TRIOBP: variants seen among roughly 807,000 people sequenced by gnomAD.
TRIOBP encodes TRIO and F-actin-binding protein.
A neutral mutation model predicts 238.8 loss-of-function variants in TRIOBP; 169 were observed. That is an observed-to-expected ratio of 0.71 (90% CI 0.62 to 0.80). The LOEUF (loss-of-function observed/expected upper bound fraction) is 0.80, where lower values mean the gene tolerates loss of function less well. Ranked by LOEUF, TRIOBP falls within the 30% of genes least tolerant of loss-of-function variation. The pLI, the probability that TRIOBP is intolerant of heterozygous loss-of-function variation, is 0.00. For synonymous variants in TRIOBP, 1,150 were observed against 1,274.4 expected (o/e 0.90, Z 2.08); for missense variants, 2,838 against 3,122.6 (o/e 0.91, Z 2.17).
intron 2 of TRIOBP, 148 bp from the exon 3 acceptor site, chr22:37,701,158 A>G: frequency 3.7e-6 from 2 of 546,246 alleles, no homozygotes; most frequent in Non-Finnish European, 6.7e-6. Flanking sequence ...ATAAATGAAC[A>G]GGAATGGATG....
At chr22:37,714,732 AATG>A in intron 5 of TRIOBP, among the ~76,000 whole-genome samples, 1 of 151,256 alleles carries the variant, frequency 6.6e-6, no homozygotes, top group African/African-American at 2.4e-5. Context: ...ACTGGAATGC[AATG>A]ATGTGAACAT....
chr22:37,734,564 C>CA lies in TRIOBP; in HGVS notation c.4229dup (p.Arg1411GlufsTer31). ...GACCCCTGAGAGGGAGCTGCGGACA[C>CA]AGAGACCTCTGGAGAGTGGCCAAGC... On this transcript the variant is annotated frameshift_variant, in exon 9 of 24. Coordinates refer to ENST00000644935, the MANE Select transcript of TRIOBP (RefSeq NM_001039141.3). LOFTEE classifies it high-confidence loss of function. The CA allele has an allele frequency of 6.3e-7, 1 of 1,588,206 alleles. No homozygotes were observed. Among genetic ancestry groups the CA allele is most frequent in the South Asian group, 1.1e-5 (1 of 88,208 alleles).
At chr22:37,751,204 G>C (rs1258053906) in intron 11 of TRIOBP, 1 of 381,500 alleles carries the variant, frequency 2.6e-6, no homozygotes, top group Non-Finnish European at 5.4e-6. Context: ...CCAGAAGGTA[G>C]GGCTTGCCAG....
At position 37,759,153 on chromosome 22, in the gene TRIOBP, G is replaced by T; in HGVS notation, c.6214-1G>T. On this transcript the variant is annotated splice_acceptor_variant, in intron 16 of 23. Coordinates refer to ENST00000644935, the MANE Select transcript of TRIOBP (RefSeq NM_001039141.3). LOFTEE classifies it high-confidence loss of function. ...CCACTGACCACCCTTCTCCCTCGTAGGTTCAGGCTCTTCGGGCCCAGCTGG... is the reference window on the plus strand; with the variant it reads ...CCACTGACCACCCTTCTCCCTCGTATGTTCAGGCTCTTCGGGCCCAGCTGG... The T allele has an allele frequency of 6.2e-7, 1 of 1,610,718 alleles. No homozygotes were observed.
At chr22:37,756,069 T>C (rs1401514787) in intron 15 of TRIOBP, among the ~76,000 whole-genome samples, 1 of 152,206 alleles carries the variant, frequency 6.6e-6, no homozygotes, top group East Asian at 1.9e-4. Flanking sequence ...GCAGGAGGGC[T>C]GAGTTACCGA....
At position 37,755,808 on chromosome 22, in the gene TRIOBP, TATC is replaced by T. The variant is rs1249957132; in HGVS notation, c.5687+153_5687+155del. 9.6e-6 allele frequency: 7 copies of T among 727,542 alleles called. No individual in the cohort carries two copies. The African/African-American group carries it at 1.0e-4, about 11-fold the overall frequency. 45.1% of individuals were successfully genotyped at this position (727,542 alleles called of 1,614,324 possible). Reference sequence around the variant, plus strand: ...GGAAGAGAGTAGTGAGCATTCTCGGTATCATCCAGAAGTACACTGAGGGTTTGA... The same window carrying T: ...GGAAGAGAGTAGTGAGCATTCTCGGTATCCAGAAGTACACTGAGGGTTTGA... On this transcript the variant is annotated intron_variant, in intron 15 of 23. Transcript: ENST00000644935.
Position 37,715,810 on chromosome 22 carries a change from C to T in TRIOBP, c.504C>T (p.Asp168=), listed in dbSNP as rs116448422. The change falls in exon 6 of 24, where the codon GAC becomes GAT. Residue 168 remains aspartate, a synonymous_variant. Coordinates refer to ENST00000644935, the MANE Select transcript of TRIOBP (RefSeq NM_001039141.3). ...ERQEEEAPSW[D]ELAVMIPRRP... is the part of the protein sequence containing the mutation. Reference sequence around the variant, plus strand: ...AGGAGGAGGAGGCCCCCAGCTGGGACGAGCTCGCAGTGATGATCCCGAGGA... The same window carrying T: ...AGGAGGAGGAGGCCCCCAGCTGGGATGAGCTCGCAGTGATGATCCCGAGGA... 2.3e-5 allele frequency: 37 copies of T among 1,613,962 alleles called. No individual in the cohort carries two copies. The highest frequency in any genetic ancestry group is 3.1e-5 in the Non-Finnish European group (36 of 1,180,014).
chr22:37,768,214 G>C, intron 19 of TRIOBP, 38 bp downstream of exon 19: 1 of 1,553,664 alleles, frequency 6.4e-7, no homozygotes. Context: ...CACCCTGATG[G>C]TTATGGGTTG....
At position 37,765,828 on chromosome 22, in the gene TRIOBP, T is replaced by G. The variant is rs1601666401; in HGVS notation, c.6472+11T>G. ...CAGCCACGGCCTCAGGTATGGACCC[T>G]GGGGGGGGCACAGTGGGCTGGGCTC... On this transcript the variant is annotated intron_variant, in intron 18 of 23. Coordinates refer to ENST00000644935, the MANE Select transcript of TRIOBP (RefSeq NM_001039141.3). 19 of 1,552,816 alleles carry G rather than the reference T, an allele frequency of 1.2e-5. No individual in the cohort carries two copies. The highest frequency in any genetic ancestry group is 2.3e-5 in the East Asian group (1 of 42,856).
intron 17 of TRIOBP, among the ~76,000 whole-genome samples, chr22:37,763,746 A>T (rs889127437): frequency 6.6e-6 from 1 of 152,144 alleles, no homozygotes; most frequent in Admixed American, 6.5e-5. Flanking sequence ...CCGCCTGCCT[A>T]TCAGTTTCTG....
chr22:37,756,873 C>A (rs1459306135), intron 15 of TRIOBP, among the ~76,000 whole-genome samples: 2 of 152,232 alleles, frequency 1.3e-5, no homozygotes, highest in Non-Finnish European at 2.9e-5. Context: ...GCCTTCACCC[C>A]ATCAGCAGTG....
In TRIOBP at chr22:37,725,474, C is replaced by T. The variant is rs774751874; in HGVS notation, c.2918C>T (p.Pro973Leu). The T allele has an allele frequency of 6.2e-7, 1 of 1,613,440 alleles. No individual in the cohort carries two copies. Among genetic ancestry groups the T allele is most frequent in the Non-Finnish European group, 8.5e-7 (1 of 1,179,850 alleles). ...TTTGGCCCCACCCAGTACAACTTGC[C>T]ATCCCGGGCCACCTCTTCCTCCCAT... is the stretch of plus-strand genomic sequence containing the variant. ...SSFGPTQYNL[P>L]SRATSSSHNP... is the part of the protein sequence containing the mutation. Residue 973 changes from proline (P) to leucine (L), a missense_variant, in exon 7 of 24, where the codon CCA becomes CTA. Physicochemically the swap from Pro to Leu is moderately conservative, Grantham distance 98 (BLOSUM62 -3). Transcript: ENST00000644935.
rs537000639 is a variant in TRIOBP, at chr22:37,754,551, G to A, written c.5380-326G>A. On this transcript the variant is annotated intron_variant, in intron 12 of 23. Transcript: ENST00000644935. ...GATCTGGGGGAATATGGAAAAAGAC[G>A]TAACGTCCTGGCCCCGCTGAGTCCC... Among the ~76,000 whole-genome samples the A allele has an allele frequency of 1.7e-4, 26 of 152,206 alleles. 1 individual carries two copies. In the East Asian group the frequency reaches 4.4e-3, roughly 26 times the overall value.
chr22:37,706,294 G>A (rs76340950), intron 3 of TRIOBP, among the ~76,000 whole-genome samples: 5,164 of 152,212 alleles, frequency 0.034, 121 homozygotes, highest in African/African-American at 0.048. Context: ...AGGAGATGGA[G>A]GCCTGCGAGT....
At chr22:37,767,475 G>A (rs958300681) in intron 18 of TRIOBP, among the ~76,000 whole-genome samples, 1 of 152,188 alleles carries the variant, frequency 6.6e-6, no homozygotes, top group African/African-American at 2.4e-5. Flanking sequence ...TAATGTTGGG[G>A]CATTTACTCT....
chr22:37,739,136 G>A (rs892847900), intron 10 of TRIOBP, among the ~76,000 whole-genome samples: 14 of 152,116 alleles, frequency 9.2e-5, no homozygotes, highest in Admixed American at 9.2e-4. Flanking sequence ...GGCCTGGAGG[G>A]TCTCCAGGGT....
Position 37,769,242 on chromosome 22 carries a change from G to T in TRIOBP, c.6736-20G>T. Reference sequence around the variant, plus strand: ...GGGTGGGTCCCGGCACCCCTCCCCTGACCACCGTGCCTCTCCCAGGAGCTG... The same window carrying T: ...GGGTGGGTCCCGGCACCCCTCCCCTTACCACCGTGCCTCTCCCAGGAGCTG... On this transcript the variant is annotated intron_variant, in intron 20 of 23. Coordinates refer to ENST00000644935, the MANE Select transcript of TRIOBP (RefSeq NM_001039141.3). The T allele has an allele frequency of 6.2e-7, 1 of 1,606,814 alleles. No homozygotes were observed. Among genetic ancestry groups the T allele is most frequent in the South Asian group, 1.1e-5 (1 of 90,046 alleles).
At chr22:37,746,112 C>A (rs1295881835) in intron 11 of TRIOBP, 2 of 894,974 alleles carry the variant, frequency 2.2e-6, no homozygotes, top group Non-Finnish European at 1.3e-6. Flanking sequence ...AGGTCCCGCC[C>A]CCGGCCCGTC....
At chr22:37,719,776 A>G (rs1229035158) in intron 6 of TRIOBP, among the ~76,000 whole-genome samples, 3 of 151,770 alleles carry the variant, frequency 2.0e-5, no homozygotes, top group Admixed American at 1.3e-4. Flanking sequence ...ACTTTTAAAT[A>G]TCTGATGCCC....
Sources: allele counts gnomAD v4.1 joint callset (sites outside exome capture counted in the v4.1 genomes callset), GRCh38; gene constraint gnomAD v4.1.1; transcripts MANE v1.5; gene names NCBI Gene and HGNC (gene_info 2026-07-23, HGNC 2026-07-21).